Variants in WDR41 observed in about 807,000 individuals in gnomAD.
WDR41 encodes WD repeat-containing protein 41.
In WDR41, 63 loss-of-function variants were observed where a neutral mutation model predicts 69.3. The ratio of observed to expected loss-of-function variants is 0.91; its 90% CI spans 0.74 to 1.12. The LOEUF (loss-of-function observed/expected upper bound fraction) is 1.12, where lower values mean the gene tolerates loss of function less well. WDR41 is among the 50% of genes most tolerant of loss of function. The probability of loss-of-function intolerance (pLI) is 0.00; values close to 1 mark genes in which losing one functional copy is unlikely to be tolerated. For missense variants in WDR41, 543 were observed against 534.5 expected (o/e 1.02, Z -0.16); for synonymous variants, 185 against 192.1 (o/e 0.96, Z 0.31).
At chr5:77,563,641 C>T (rs553975267) in intron 1 of WDR41, among the ~76,000 whole-genome samples, 1 of 152,242 alleles carries the variant, frequency 6.6e-6, no homozygotes, top group Admixed American at 6.5e-5. Flanking sequence ...AAGGTAATTA[C>T]GATACAGTGC....
At chr5:77,479,306 G>C (rs1251442577) in intron 2 of WDR41, among the ~76,000 whole-genome samples, 3 of 151,834 alleles carry the variant, frequency 2.0e-5, no homozygotes, top group Admixed American at 2.0e-4. Context: ...TTTCTTCACA[G>C]AATTGGAAAA....
chr5:77,531,245 C>T (rs1397001731), intron 1 of WDR41, among the ~76,000 whole-genome samples: 3 of 151,792 alleles, frequency 2.0e-5, no homozygotes, highest in Non-Finnish European at 4.4e-5. Flanking sequence ...ATAACATTTA[C>T]AAATTGTATA....
chr5:77,442,645 C>A (rs2151293743), intron 8 of WDR41, among the ~76,000 whole-genome samples: 1 of 152,060 alleles, frequency 6.6e-6, no homozygotes, highest in African/African-American at 2.4e-5. Flanking sequence ...GTAATCCCAG[C>A]ACTTTGGGAG....
chr5:77,618,976 C>T (rs1744728543), intron 1 of WDR41, among the ~76,000 whole-genome samples: 1 of 152,178 alleles, frequency 6.6e-6, no homozygotes, highest in African/African-American at 2.4e-5. Context: ...AGAATTTAAC[C>T]AGCAACACTA....
intron 5 of WDR41, among the ~76,000 whole-genome samples, chr5:77,456,817 T>C (rs1392120071): frequency 6.6e-6 from 1 of 152,172 alleles, no homozygotes; most frequent in East Asian, 1.9e-4. Flanking sequence ...TCCTTCCACC[T>C]CAGCCTCCCA....
intron 1 of WDR41, among the ~76,000 whole-genome samples, chr5:77,532,938 T>A (rs1233975299): frequency 6.6e-6 from 1 of 152,134 alleles, no homozygotes; most frequent in Non-Finnish European, 1.5e-5. Flanking sequence ...TTTACTGGGA[T>A]GCCTAAATTT....
chr5:77,578,074 C>T (rs532451186), intron 1 of WDR41, among the ~76,000 whole-genome samples: 1 of 152,164 alleles, frequency 6.6e-6, no homozygotes, highest in Non-Finnish European at 1.5e-5. Flanking sequence ...TTGCAAATCG[C>T]TAACCCGAAA....
At chr5:77,588,484 C>T (rs1420160966) in intron 1 of WDR41, among the ~76,000 whole-genome samples, 2 of 152,008 alleles carry the variant, frequency 1.3e-5, no homozygotes, top group African/African-American at 4.8e-5. Flanking sequence ...ATAAAGATTC[C>T]TTTTTTACTT....
intron 2 of WDR41, among the ~76,000 whole-genome samples, chr5:77,470,162 C>T (rs1800509870): frequency 6.6e-6 from 1 of 151,858 alleles, no homozygotes; most frequent in Non-Finnish European, 1.5e-5. Flanking sequence ...CCCAGAATTT[C>T]ATATCCAGCC....
chr5:77,558,343 T>C (rs776959889), intron 1 of WDR41, among the ~76,000 whole-genome samples: 1 of 152,064 alleles, frequency 6.6e-6, no homozygotes, highest in Non-Finnish European at 1.5e-5. Flanking sequence ...GAAAAGGAAA[T>C]TGAAAAAGAA....
intron 1 of WDR41, among the ~76,000 whole-genome samples, chr5:77,583,377 A>G (rs1306160155): frequency 1.3e-5 from 2 of 151,540 alleles, no homozygotes; most frequent in African/African-American, 4.8e-5. Context: ...AGCCAGGTAC[A>G]GTGGCCCATG....
intron 1 of WDR41, among the ~76,000 whole-genome samples, chr5:77,614,677 T>C (rs1458535868): frequency 6.8e-6 from 1 of 147,302 alleles, no homozygotes; most frequent in East Asian, 2.0e-4. Context: ...AGGGATAGCA[T>C]TAGGAGATAT....
chr5:77,531,668 C>T (rs529101066), intron 1 of WDR41, among the ~76,000 whole-genome samples: 9 of 152,038 alleles, frequency 5.9e-5, no homozygotes, highest in East Asian at 1.9e-4. Context: ...GGTACTCATA[C>T]GAATATTTGT....
intron 2 of WDR41, among the ~76,000 whole-genome samples, chr5:77,488,863 G>A (rs930757953): frequency 8.5e-5 from 13 of 152,118 alleles, no homozygotes; most frequent in Non-Finnish European, 1.9e-4. Context: ...TGCTATAAAA[G>A]ATATACAGTT....
chr5:77,524,605 A>G (rs1041156679), intron 1 of WDR41, among the ~76,000 whole-genome samples: 3 of 108,634 alleles, frequency 2.8e-5, no homozygotes, highest in Non-Finnish European at 5.6e-5. Flanking sequence ...ATAAATAGAT[A>G]AGACACAATT....
intron 1 of WDR41, among the ~76,000 whole-genome samples, chr5:77,549,627 C>T (rs563222046): frequency 5.8e-4 from 88 of 152,078 alleles, no homozygotes; most frequent in African/African-American, 7.5e-4. Context: ...ATAGACAACA[C>T]GAACAAATGA....
chr5:77,587,693 G>A (rs56372528), intron 1 of WDR41, among the ~76,000 whole-genome samples: 27,000 of 152,080 alleles, frequency 0.18, 2,719 homozygotes, highest in Admixed American at 0.24. Context: ...GATTGTATTT[G>A]GAGACAGGGC....
At chr5:77,569,762 G>A (rs992768646) in intron 1 of WDR41, among the ~76,000 whole-genome samples, 3 of 152,174 alleles carry the variant, frequency 2.0e-5, no homozygotes, top group African/African-American at 7.2e-5. Context: ...AGGCAAGTGT[G>A]ACAGTTTTCT....
chr5:77,499,094 A>G (rs1434777014), intron 1 of WDR41, among the ~76,000 whole-genome samples: 2 of 152,224 alleles, frequency 1.3e-5, no homozygotes, highest in East Asian at 3.8e-4. Context: ...TGAGTGAGAT[A>G]GGATAAATAC....
Sources: gnomAD v4.1 joint callset for allele counts (sites outside exome capture counted in the v4.1 genomes callset) on GRCh38, gnomAD v4.1.1 for gene constraint, MANE v1.5 for transcripts, NCBI Gene and HGNC (gene_info 2026-07-23, HGNC 2026-07-21) for gene names.